PTPRN2: variants seen among roughly 807,000 people sequenced by gnomAD.
PTPRN2 encodes receptor-type tyrosine-protein phosphatase N2.
Under a neutral mutation model 118.8 loss-of-function variants are expected in PTPRN2, and 74 were observed. The ratio of observed to expected loss-of-function variants is 0.62; its 90% CI spans 0.52 to 0.76. The LOEUF (loss-of-function observed/expected upper bound fraction) is 0.76, where lower values mean the gene tolerates loss of function less well. Among genes scored for constraint, PTPRN2 ranks in the 30% least tolerant of loss-of-function variants. PTPRN2 has a pLI of 0.00. For missense variants in PTPRN2, 1,481 were observed against 1,394.4 expected (o/e 1.06, Z -0.99); for synonymous variants, 641 against 608.0 (o/e 1.05, Z -0.80).
chr7:158,120,547 C>T (rs960242990), intron 9 of PTPRN2, among the ~76,000 whole-genome samples: 2 of 152,190 alleles, frequency 1.3e-5, no homozygotes, highest in African/African-American at 2.4e-5. Context: ...CTCCTTTCTG[C>T]TCCCTGTCTC....
At chr7:157,734,724 G>A (rs533385944) in intron 12 of PTPRN2, among the ~76,000 whole-genome samples, 17 of 152,294 alleles carry the variant, frequency 1.1e-4, no homozygotes, top group Non-Finnish European at 1.6e-4. Context: ...ATTTGGCTTC[G>A]AAATGATAAC....
intron 9 of PTPRN2, among the ~76,000 whole-genome samples, chr7:158,114,434 C>T (rs1444763369): frequency 6.6e-6 from 1 of 152,236 alleles, no homozygotes; most frequent in Non-Finnish European, 1.5e-5. Context: ...TGACTTCCAA[C>T]CCTAGACTAA....
chr7:158,440,806 ATGGTGGTAGTAGTAGTGGTGG>A (rs1772077006), intron 2 of PTPRN2, among the ~76,000 whole-genome samples: 1 of 44,000 alleles, frequency 2.3e-5, no homozygotes, highest in South Asian at 9.3e-4. Context: ...GGTAGTGGTG[ATGGTGGTAGTAGTAGTGGTGG>A]TGGTGGTGAT....
intron 2 of PTPRN2, among the ~76,000 whole-genome samples, chr7:158,322,040 G>A (rs533287668): frequency 2.0e-4 from 31 of 152,268 alleles, no homozygotes; most frequent in African/African-American, 7.2e-4. Context: ...CTGCAGCGTT[G>A]GGTGCTCTCA....
chr7:158,244,929 G>T (rs1202012830), intron 3 of PTPRN2, among the ~76,000 whole-genome samples: 1 of 152,210 alleles, frequency 6.6e-6, no homozygotes, highest in Non-Finnish European at 1.5e-5. Context: ...CAGTGCCCCG[G>T]GGTGGGGGCC....
At chr7:158,363,591 T>C (rs1217583673) in intron 2 of PTPRN2, among the ~76,000 whole-genome samples, 3 of 151,956 alleles carry the variant, frequency 2.0e-5, no homozygotes, top group Admixed American at 1.3e-4. Flanking sequence ...CAGACAAACA[T>C]AAAATCGTGC....
chr7:157,565,002 A>T (rs1233910119), intron 21 of PTPRN2, among the ~76,000 whole-genome samples: 1 of 152,258 alleles, frequency 6.6e-6, no homozygotes, highest in Non-Finnish European at 1.5e-5. Context: ...GACACACACC[A>T]CGACACAGGC....
chr7:157,644,564 G>A (rs773090881), intron 14 of PTPRN2, among the ~76,000 whole-genome samples: 22 of 152,324 alleles, frequency 1.4e-4, no homozygotes, highest in Non-Finnish European at 3.1e-4. Flanking sequence ...TTGGGAGGCT[G>A]AGGCAGGCGG....
At chr7:158,474,198 G>A (rs1047704310) in intron 2 of PTPRN2, among the ~76,000 whole-genome samples, 6 of 152,234 alleles carry the variant, frequency 3.9e-5, no homozygotes, top group East Asian at 3.9e-4. Context: ...GAGGCACAGC[G>A]AACTCTACAG....
intron 11 of PTPRN2, among the ~76,000 whole-genome samples, chr7:157,973,181 G>A (rs1439503225): frequency 6.6e-6 from 1 of 152,240 alleles, no homozygotes; most frequent in Non-Finnish European, 1.5e-5. Context: ...GTGGGTGGGA[G>A]GAGGTTGTGC....
intron 21 of PTPRN2, among the ~76,000 whole-genome samples, chr7:157,565,943 C>G (rs1210448076): frequency 6.6e-6 from 1 of 152,224 alleles, no homozygotes; most frequent in African/African-American, 2.4e-5. Context: ...TGCCACAAAA[C>G]CCATTGCAGA....
At chr7:158,333,778 A>T (rs1246167379) in intron 2 of PTPRN2, among the ~76,000 whole-genome samples, 2 of 147,588 alleles carry the variant, frequency 1.4e-5, no homozygotes, top group South Asian at 2.2e-4. Flanking sequence ...GACATCACTC[A>T]CACACACACT....
At chr7:157,636,971 C>G (rs1024923039) in intron 14 of PTPRN2, among the ~76,000 whole-genome samples, 3 of 152,066 alleles carry the variant, frequency 2.0e-5, no homozygotes, top group South Asian at 2.1e-4. Context: ...AATATTATAA[C>G]CAGAAAAAGG....
chr7:158,424,409 A>G (rs1394790485), intron 2 of PTPRN2, among the ~76,000 whole-genome samples: 1 of 152,218 alleles, frequency 6.6e-6, no homozygotes, highest in Non-Finnish European at 1.5e-5. Flanking sequence ...TCTGATTATA[A>G]CACACTAGCT....
intron 11 of PTPRN2, among the ~76,000 whole-genome samples, chr7:157,967,287 G>A (rs1406990773): frequency 6.6e-6 from 1 of 152,184 alleles, no homozygotes; most frequent in African/African-American, 2.4e-5. Flanking sequence ...TCCAGCCTGG[G>A]CGACAGAGTG....
chr7:158,100,142 A>G (rs1329523679), intron 10 of PTPRN2, among the ~76,000 whole-genome samples: 1 of 151,798 alleles, frequency 6.6e-6, no homozygotes, highest in Non-Finnish European at 1.5e-5. Context: ...TTGGTTTTCC[A>G]TTCCTGAGTT....
chr7:157,988,210 C>T (rs1193531166), intron 11 of PTPRN2, among the ~76,000 whole-genome samples: 1 of 152,216 alleles, frequency 6.6e-6, no homozygotes, highest in Non-Finnish European at 1.5e-5. Context: ...CCCCGGAGCC[C>T]CCACTGGCGT....
intron 12 of PTPRN2, among the ~76,000 whole-genome samples, chr7:157,783,039 G>A (rs1803779210): frequency 6.6e-6 from 1 of 152,118 alleles, no homozygotes; most frequent in Non-Finnish European, 1.5e-5. Context: ...GATAGTGACC[G>A]AGTTCTCACA....
At chr7:157,624,768 T>G (rs1803470622) in intron 14 of PTPRN2, among the ~76,000 whole-genome samples, 1 of 152,230 alleles carries the variant, frequency 6.6e-6, no homozygotes, top group Admixed American at 6.5e-5. Context: ...AGACGTCTTC[T>G]GGAATTATTA....
Sources: gnomAD v4.1 joint callset for allele counts (sites outside exome capture counted in the v4.1 genomes callset) on GRCh38, gnomAD v4.1.1 for gene constraint, MANE v1.5 for transcripts, NCBI Gene and HGNC (gene_info 2026-07-23, HGNC 2026-07-21) for gene names.